Variants in DNAH3 observed in about 807,000 individuals in gnomAD.
DNAH3 encodes the protein dynein axonemal heavy chain 3.
In DNAH3, 332 loss-of-function variants were observed where a neutral mutation model predicts 432.5. The ratio of observed to expected loss-of-function variants is 0.77; its 90% CI spans 0.70 to 0.84. The LOEUF is 0.84. Ranked by LOEUF, DNAH3 falls within the 40% of genes least tolerant of loss-of-function variation. The pLI is 0.00. For synonymous variants in DNAH3, 1,956 were observed against 1,900.2 expected (o/e 1.03, Z -0.76); for missense variants, 4,861 against 5,114.0 (o/e 0.95, Z 1.51).
intron 1 of DNAH3, among the ~76,000 whole-genome samples, chr16:21,154,097 C>G (rs960111740): frequency 6.6e-6 from 1 of 152,176 alleles, no homozygotes; most frequent in Non-Finnish European, 1.5e-5. Context: ...CAACTGTAAT[C>G]CAATGAAGTG....
rs769932817 is a variant in DNAH3, at chr16:20,987,862, G to A, written c.6726-13C>T. ...CATCTTTCCGTACCTTGGGAGGAAAGGGATGGCACAGTAGTCAAGGAGGGG... is the reference window on the plus strand; with the variant it reads ...CATCTTTCCGTACCTTGGGAGGAAAAGGATGGCACAGTAGTCAAGGAGGGG... On this transcript the variant is annotated splice_polypyrimidine_tract_variant and intron_variant, in intron 45 of 61. Transcript: ENST00000261383. 6 of 1,613,982 alleles carry A rather than the reference G, an allele frequency of 3.7e-6. No individual in the cohort carries two copies. The Admixed American group carries it at 1.0e-4, about 27-fold the overall frequency.
chr16:21,041,208 TAAAAATAC>T (rs1171771067), intron 32 of DNAH3, among the ~76,000 whole-genome samples: 18 of 152,132 alleles, frequency 1.2e-4, no homozygotes, highest in African/African-American at 4.3e-4. Context: ...CTATCTCTAC[TAAAAATAC>T]AAAAATTAGC....
chr16:20,987,261 T>C (rs1779807224), intron 47 of DNAH3, 44 bp downstream of exon 47: 1 of 1,609,684 alleles, frequency 6.2e-7, no homozygotes, highest in Non-Finnish European at 8.5e-7. Context: ...GGTTAAACAC[T>C]TGGAACCATT....
At chr16:20,936,157 A>AG (rs1567486222) in intron 60 of DNAH3, among the ~76,000 whole-genome samples, 1 of 135,796 alleles carries the variant, frequency 7.4e-6, no homozygotes, top group Non-Finnish European at 1.6e-5. Context: ...AGTTTGTGAC[A>AG]TTTTTTTTCT....
intron 3 of DNAH3, among the ~76,000 whole-genome samples, chr16:21,144,593 A>G (rs1310971156): frequency 6.6e-6 from 1 of 152,198 alleles, no homozygotes; most frequent in Non-Finnish European, 1.5e-5. Flanking sequence ...TGCCCCACTG[A>G]AATTGTAAGA....
At chr16:21,037,912 T>C in exon 34 of DNAH3, 1 of 1,614,188 alleles carries the variant, frequency 6.2e-7, no homozygotes, top group Non-Finnish European at 8.5e-7. Flanking sequence ...CATACCGTAG[T>C]CATAGTGATG....
Position 21,022,185 on chromosome 16 carries a change from A to C in DNAH3, c.5647-85T>G, listed in dbSNP as rs150923864. ...AGAGCTTGGTCTACCTTGTGAGGCT[A>C]GAGATGCTGGTTAGACTGCTGATTT... On this transcript the variant is annotated intron_variant, in intron 39 of 61. Transcript: ENST00000261383. The C allele has an allele frequency of 1.0e-5, 15 of 1,455,630 alleles. No homozygotes were observed. The African/African-American group carries it at 1.4e-4, about 14-fold the overall frequency. 90.2% of individuals were successfully genotyped at this position (1,455,630 alleles called of 1,614,324 possible).
chr16:21,036,818 C>G, exon 35 of DNAH3: 1 of 1,610,976 alleles, frequency 6.2e-7, no homozygotes, highest in South Asian at 1.1e-5. Context: ...TTTGGAAGAA[C>G]AACTCCAGGA....
intron 44 of DNAH3, among the ~76,000 whole-genome samples, chr16:20,993,392 A>T (rs1288261735): frequency 6.6e-6 from 1 of 152,194 alleles, no homozygotes; most frequent in African/African-American, 2.4e-5. Context: ...GTCTCTCCAC[A>T]GTCATTTTGA....
intron 47 of DNAH3, among the ~76,000 whole-genome samples, chr16:20,987,072 T>C (rs1225312032): frequency 6.6e-6 from 1 of 152,130 alleles, no homozygotes; most frequent in Admixed American, 6.5e-5. Flanking sequence ...TTAAAATGCA[T>C]GTTAAGCCAT....
At chr16:21,080,126 G>A (rs937428230) in intron 20 of DNAH3, among the ~76,000 whole-genome samples, 6 of 152,046 alleles carry the variant, frequency 3.9e-5, no homozygotes, top group South Asian at 2.1e-4. Flanking sequence ...GTGAAACCCC[G>A]TCTCTACCAA....
chr16:20,995,095 C>A lies in DNAH3; in HGVS notation c.6601+2188G>T, dbSNP rs2086707916. Among the ~76,000 whole-genome samples, 2 of 152,104 alleles carry A rather than the reference C, an allele frequency of 1.3e-5. 1 individual carries two copies. The highest frequency in any genetic ancestry group is 4.2e-4 in the South Asian group (2 of 4,812). On this transcript the variant is annotated intron_variant, in intron 44 of 61. Transcript: ENST00000261383. The stretch of plus-strand genomic sequence containing the variant: ...GGACTACAGGTGCATGCCACCATAC[C>A]CAGATAATTTTTTGTTGTTGTTGTA...
intron 60 of DNAH3, among the ~76,000 whole-genome samples, chr16:20,935,702 G>A (rs1160029522): frequency 6.6e-6 from 1 of 152,058 alleles, no homozygotes; most frequent in Admixed American, 6.6e-5. Flanking sequence ...AATTAGCCAG[G>A]CGTGGTGGTG....
intron 40 of DNAH3, among the ~76,000 whole-genome samples, chr16:21,020,700 G>A (rs555861062): frequency 3.3e-5 from 5 of 151,784 alleles, no homozygotes; most frequent in South Asian, 2.1e-4. Flanking sequence ...GACCGCACCC[G>A]GCCTTTACTG....
intron 41 of DNAH3, among the ~76,000 whole-genome samples, chr16:21,017,866 C>T (rs1005447724): frequency 6.6e-6 from 1 of 152,004 alleles, no homozygotes; most frequent in Non-Finnish European, 1.5e-5. Flanking sequence ...TCATTATTAT[C>T]AAACATACAG....
intron 11 of DNAH3, among the ~76,000 whole-genome samples, chr16:21,119,601 C>T (rs1215306101): frequency 2.1e-5 from 3 of 143,080 alleles, no homozygotes; most frequent in African/African-American, 7.7e-5. Context: ...AAAAAAAATT[C>T]TTTTTTTTTT....
chr16:21,142,428 C>T (rs1448600014), intron 3 of DNAH3, among the ~76,000 whole-genome samples: 6 of 151,938 alleles, frequency 3.9e-5, no homozygotes, highest in Non-Finnish European at 7.4e-5. Context: ...AAACTTAGTA[C>T]ATTTATTTTT....
At position 20,973,251 on chromosome 16, in the gene DNAH3, ATTC is replaced by A. The variant is rs577822991; in HGVS notation, c.8259+1979_8259+1981del. On this transcript the variant is annotated intron_variant, in intron 51 of 61. Transcript: ENST00000261383. Reference sequence around the variant, plus strand: ...CAACTCTCATATGCCCATGTCTGTCATTCTTTTTTTTTTCTTTTTGAGATAAGG... The same window carrying A: ...CAACTCTCATATGCCCATGTCTGTCATTTTTTTTTTCTTTTTGAGATAAGG... 1.3e-4 allele frequency among the ~76,000 whole-genome samples: 20 copies of A among 151,640 alleles called. No homozygotes were observed. In the South Asian group the frequency reaches 2.7e-3, roughly 21 times the overall value.
At chr16:21,095,679 C>A (rs1233821851) in intron 18 of DNAH3, among the ~76,000 whole-genome samples, 1 of 152,086 alleles carries the variant, frequency 6.6e-6, no homozygotes, top group Non-Finnish European at 1.5e-5. Flanking sequence ...CAAAAATGTC[C>A]ATTTTAATGT....
Sources: allele counts gnomAD v4.1 joint callset (sites outside exome capture counted in the v4.1 genomes callset), GRCh38; gene constraint gnomAD v4.1.1; transcripts MANE v1.5; gene names NCBI Gene and HGNC (gene_info 2026-07-23, HGNC 2026-07-21).